ABCA12: variants seen among roughly 807,000 people sequenced by gnomAD.
The protein encoded by ABCA12 is ATP binding cassette subfamily A member 12.
In ABCA12, 156 loss-of-function variants were observed where a neutral mutation model predicts 293.5. That is an observed-to-expected ratio of 0.53 (90% CI 0.47 to 0.61). The LOEUF is 0.61. Among genes scored for constraint, ABCA12 ranks in the 20% least tolerant of loss-of-function variants. ABCA12 has a pLI of 0.00. For synonymous variants in ABCA12, 1,063 were observed against 1,108.0 expected, an observed-to-expected ratio of 0.96 and a Z score of 0.81; for missense variants, 2,797 against 3,090.2, an observed-to-expected ratio of 0.91 and a Z score of 2.25.
intron 39 of ABCA12, chr2:214,962,373 G>A (rs1699137520): frequency 6.6e-6 from 1 of 152,004 alleles, no homozygotes; most frequent in African/African-American, 2.4e-5. Context: ...TAATATAATA[G>A]TAGGGGATAA....
At chr2:214,983,970 C>A in intron 28 of ABCA12, 105 bp from the exon 29 acceptor site, 1 of 923,024 alleles carries the variant, frequency 1.1e-6, no homozygotes. Context: ...AGTGTATCTT[C>A]TCAGTCAAGG....
chr2:215,045,584 G>A (rs11891671), intron 7 of ABCA12, among the ~76,000 whole-genome samples: 9,038 of 152,174 alleles, frequency 0.059, 887 homozygotes, highest in African/African-American at 0.2. Context: ...GAAGCTCTGC[G>A]ATACCCAGTA....
At chr2:215,015,826 T>G (rs542928648) in intron 14 of ABCA12, among the ~76,000 whole-genome samples, 163 bp from the exon 15 acceptor site, 1 of 152,092 alleles carries the variant, frequency 6.6e-6, no homozygotes, top group South Asian at 2.1e-4. Flanking sequence ...AATAAGACAA[T>G]AGAGAATTAA....
chr2:215,081,009 T>G (rs1701925771), intron 2 of ABCA12: 1 of 152,148 alleles, frequency 6.6e-6, no homozygotes, highest in African/African-American at 2.4e-5. Flanking sequence ...AATCACTTGG[T>G]TTATTATTCA....
chr2:215,027,981 T>A (rs6720587), intron 9 of ABCA12, among the ~76,000 whole-genome samples: 1 of 152,202 alleles, frequency 6.6e-6, no homozygotes, highest in African/African-American at 2.4e-5. Context: ...AATGAGTATG[T>A]GCGTATTATG....
At position 215,000,908 on chromosome 2, in the gene ABCA12, T is replaced by C; in HGVS notation, c.2976A>G (p.Ala992=). The C allele has an allele frequency of 1.9e-6, 3 of 1,614,164 alleles. No individual in the cohort carries two copies. The highest frequency in any genetic ancestry group is 2.5e-6 in the Non-Finnish European group (3 of 1,179,992). The change falls in exon 22 of 53, where the codon GCA becomes GCG. Residue 992 remains alanine (A), a synonymous_variant. Coordinates refer to ENST00000272895, the MANE Select transcript of ABCA12 (RefSeq NM_173076.3). ...TGGTTCTTAGGCTTCTTGTGGTCTGTGCGGTCTTGAGACTCATCCGGATGG... is the reference window on the plus strand; with the variant it reads ...TGGTTCTTAGGCTTCTTGTGGTCTGCGCGGTCTTGAGACTCATCCGGATGG... ...KYTIRMSLKT[A]QTTRSLRTKI... is the part of the protein sequence containing the mutation.
chr2:215,122,927 C>T (rs905961972), intron 1 of ABCA12, among the ~76,000 whole-genome samples: 4 of 152,148 alleles, frequency 2.6e-5, no homozygotes, highest in Admixed American at 6.5e-5. Flanking sequence ...GGTAATTTCT[C>T]ACCCATCATC....
At chr2:215,134,597 C>CTATATA (rs1377642965) in intron 1 of ABCA12, among the ~76,000 whole-genome samples, 1 of 82,992 alleles carries the variant, frequency 1.2e-5, no homozygotes, top group African/African-American at 8.5e-5. Flanking sequence ...CTCTCTCTCT[C>CTATATA]TCTATATATA....
Position 215,052,575 on chromosome 2 carries a change from A to G in ABCA12, c.419T>C (p.Phe140Ser). The G allele has an allele frequency of 6.2e-7, 1 of 1,611,976 alleles. No individual in the cohort carries two copies. Among genetic ancestry groups the G allele is most frequent in the Non-Finnish European group, 8.5e-7 (1 of 1,178,452 alleles). ...ERRHASLATV[F>S]PSPSSDLEIP... is the part of the protein sequence containing the mutation. ...TTCCAAATCAGAACTTGGACTGGGAAATACTGTGGCTGTAATCAAAGAAGG... is the reference window on the plus strand; with the variant it reads ...TTCCAAATCAGAACTTGGACTGGGAGATACTGTGGCTGTAATCAAAGAAGG... The change falls in exon 5 of 53, where the codon TTT becomes TCT. Residue 140 changes from phenylalanine to serine, a missense_variant. Around this residue, in one of 3 missense-constraint regions of ABCA12, gnomAD observed 656 missense variants for 638.2 expected, o/e 1.03. Coordinates refer to ENST00000272895, the MANE Select transcript of ABCA12 (RefSeq NM_173076.3).
rs1700128225 is a variant in ABCA12 at position 215,000,860 on chromosome 2, G to T, written c.3024C>A (p.His1008Gln). 1 of 1,614,022 alleles carries T rather than the reference G, an allele frequency of 6.2e-7. No homozygotes were observed. The highest frequency in any genetic ancestry group is 8.5e-7 in the Non-Finnish European group (1 of 1,180,020). ...AGATCTGGTTGTGTGATGGAGAATT[G>T]TGTGGCCCTGGAGCCCAAATCTTGG... is the stretch of plus-strand genomic sequence containing the variant. ...LRTKIWAPGP[H>Q]NSPSHNQIYG... The change falls in exon 22 of 53, where the codon CAC becomes CAA. Residue 1008 changes from histidine (H) to glutamine (Q), a missense_variant. By Grantham distance (24) the His-to-Gln change is conservative. This residue lies in a region of ABCA12 where 2,130 missense variants were observed against 2,427.0 expected (regional missense o/e 0.88). Transcript: ENST00000272895.
At chr2:215,106,222 T>C (rs1338604688) in intron 2 of ABCA12, among the ~76,000 whole-genome samples, 1 of 152,202 alleles carries the variant, frequency 6.6e-6, no homozygotes, top group Non-Finnish European at 1.5e-5. Context: ...TTCTTAACAA[T>C]TCGGGCGCTG....
intron 20 of ABCA12, among the ~76,000 whole-genome samples, chr2:215,003,646 A>G (rs1700189985): frequency 6.8e-6 from 1 of 147,270 alleles, no homozygotes; most frequent in Non-Finnish European, 1.5e-5. Flanking sequence ...AACTGCATTT[A>G]TATTACATTA....
At chr2:215,033,264 T>C (rs1376072193) in intron 8 of ABCA12, among the ~76,000 whole-genome samples, 1 of 152,210 alleles carries the variant, frequency 6.6e-6, no homozygotes, top group Non-Finnish European at 1.5e-5. Flanking sequence ...AGAATAACTA[T>C]AGATTCAAAA....
intron 9 of ABCA12, among the ~76,000 whole-genome samples, chr2:215,031,080 C>G (rs945389406): frequency 6.6e-6 from 1 of 152,120 alleles, no homozygotes; most frequent in Non-Finnish European, 1.5e-5. Context: ...GCATTTCTTA[C>G]CATAATTATC....
rs566654645 is a variant in ABCA12 at position 214,935,690 on chromosome 2, G to C, written c.7543-1475C>G. On this transcript the variant is annotated intron_variant, in intron 51 of 52. Coordinates refer to ENST00000272895, the MANE Select transcript of ABCA12 (RefSeq NM_173076.3). ...CACATGCCTATATGCTTGGCTACTTGTGAGGCAGAGGTGGAAGGATTCCTG... is the reference window on the plus strand; with the variant it reads ...CACATGCCTATATGCTTGGCTACTTCTGAGGCAGAGGTGGAAGGATTCCTG... Among the ~76,000 whole-genome samples, 7 of 152,086 alleles carry C rather than the reference G, an allele frequency of 4.6e-5. No homozygotes were observed. In the South Asian group the frequency reaches 6.2e-4, roughly 13 times the overall value.
intron 15 of ABCA12, chr2:215,013,549 A>G (rs1223302012): frequency 6.5e-6 from 1 of 154,300 alleles, no homozygotes; most frequent in Non-Finnish European, 1.5e-5. Context: ...TCTATTTTCT[A>G]TTGCAGTTCT....
intron 29 of ABCA12, 52 bp from the exon 30 acceptor site, chr2:214,982,435 A>C (rs1230198238): frequency 2.7e-6 from 4 of 1,480,484 alleles, no homozygotes; most frequent in African/African-American, 1.4e-5. Flanking sequence ...CTATTTGAGT[A>C]CTGGAAACAT....
chr2:215,134,901 GC>G (rs1703177158), intron 1 of ABCA12, among the ~76,000 whole-genome samples: 1 of 151,846 alleles, frequency 6.6e-6, no homozygotes, highest in Non-Finnish European at 1.5e-5. Flanking sequence ...ACCTGCCTTG[GC>G]CTCTCAAAGG....
At chr2:214,972,894 C>G (rs994432485) in intron 36 of ABCA12, among the ~76,000 whole-genome samples, 1 of 152,024 alleles carries the variant, frequency 6.6e-6, no homozygotes, top group African/African-American at 2.4e-5. Context: ...AGTGGTACAG[C>G]CTTGAACTCC....
Sources: gnomAD v4.1 joint callset for allele counts (sites outside exome capture counted in the v4.1 genomes callset) on GRCh38, gnomAD v4.1.1 for gene constraint, gnomAD v4.1.1 regional missense constraint, MANE v1.5 for transcripts, NCBI Gene and HGNC (gene_info 2026-07-23, HGNC 2026-07-21) for gene names.